DCDC1: variants seen among roughly 807,000 people sequenced by gnomAD.
DCDC1 encodes doublecortin domain containing 1.
Under a neutral mutation model 178.3 loss-of-function variants are expected in DCDC1, and 200 were observed. The observed-to-expected ratio is 1.12, with a 90% CI of 1.00 to 1.26. DCDC1 has a LOEUF of 1.26. DCDC1 is among the 50% of genes most tolerant of loss of function. The probability of loss-of-function intolerance (pLI) is 0.00; values close to 1 mark genes in which losing one functional copy is unlikely to be tolerated. For missense variants in DCDC1, 1,983 were observed against 1,749.2 expected (o/e 1.13, Z -2.38); for synonymous variants, 690 against 604.8 (o/e 1.14, Z -2.07).
In DCDC1 at chr11:30,917,072, C is replaced by T. The variant is rs573867124; in HGVS notation, c.3294-44G>A. 3.3e-6 allele frequency: 5 copies of T among 1,538,020 alleles called. No homozygotes were observed. In the South Asian group the frequency reaches 4.0e-5, roughly 12 times the overall value. ...AAACATAAGTCTAAGAAATCTCATT[C>T]GTGTTCACAGAATTTTTTTCTGAGG... On this transcript the variant is annotated intron_variant, in intron 25 of 38. Coordinates refer to ENST00000684477, the MANE Select transcript of DCDC1 (RefSeq NM_001387274.1).
intron 20 of DCDC1, among the ~76,000 whole-genome samples, chr11:31,030,858 A>C (rs1953577343): frequency 8.9e-6 from 1 of 112,678 alleles, no homozygotes; most frequent in Non-Finnish European, 1.9e-5. Context: ...TTCCCAGGGC[A>C]AGAAAAAAAA....
intron 29 of DCDC1, among the ~76,000 whole-genome samples, chr11:30,907,965 G>A (rs1173283812): frequency 6.6e-6 from 1 of 152,138 alleles, no homozygotes; most frequent in Non-Finnish European, 1.5e-5. Flanking sequence ...GAATTGATGA[G>A]CTAAAGTTCT....
intron 29 of DCDC1, among the ~76,000 whole-genome samples, 199 bp from the exon 30 acceptor site, chr11:30,906,924 C>T (rs573001477): frequency 9.9e-5 from 15 of 151,978 alleles, no homozygotes; most frequent in East Asian, 3.9e-4. Flanking sequence ...AATTCTGTAA[C>T]GACAATTCGA....
chr11:30,999,777 A>C (rs1951470439), intron 20 of DCDC1, among the ~76,000 whole-genome samples: 2 of 152,234 alleles, frequency 1.3e-5, no homozygotes, highest in Admixed American at 6.5e-5. Context: ...TATAAACCTC[A>C]AAATATTTTT....
chr11:31,004,228 G>T (rs981920166), intron 20 of DCDC1, among the ~76,000 whole-genome samples: 3 of 152,080 alleles, frequency 2.0e-5, no homozygotes, highest in African/African-American at 7.2e-5. Flanking sequence ...TTTGCCAAAA[G>T]TATTTTATTG....
At chr11:31,249,553 T>C (rs1366551178) in intron 8 of DCDC1, among the ~76,000 whole-genome samples, 1 of 152,136 alleles carries the variant, frequency 6.6e-6, no homozygotes, top group Non-Finnish European at 1.5e-5. Context: ...TAAGAAACCC[T>C]GGAACCAAGG....
intron 25 of DCDC1, 115 bp downstream of exon 25, chr11:30,920,661 A>T: frequency 8.0e-7 from 1 of 1,256,628 alleles, no homozygotes; most frequent in Non-Finnish European, 1.1e-6. Flanking sequence ...TTCAGCTGCC[A>T]TTAGTTTCAC....
At chr11:31,338,396 G>A (rs1405206682) in intron 1 of DCDC1, among the ~76,000 whole-genome samples, 2 of 152,136 alleles carry the variant, frequency 1.3e-5, no homozygotes, top group African/African-American at 4.8e-5. Context: ...GATCATATTT[G>A]GGGGTTCACA....
rs71060478 is a variant in DCDC1 at position 31,157,372 on chromosome 11, A to AAAAATATATAT, written c.1222-19589_1222-19588insATATATATTTT. Among the ~76,000 whole-genome samples the AAAAATATATAT allele has an allele frequency of 5.2e-5, 5 of 96,868 alleles. No homozygotes were observed. In the East Asian group the frequency reaches 9.9e-4, roughly 19 times the overall value. 63.5% of individuals were successfully genotyped at this position (96,868 alleles called of 152,430 possible). A position where few individuals can be genotyped will look rare whatever the true frequency, so the allele number is the denominator to read the frequency against. On this transcript the variant is annotated intron_variant, in intron 9 of 38. Transcript: ENST00000684477. Reference sequence around the variant, plus strand: ...CCCTTTCTCAAAAAAAAAAAAAAAAAATATATATATATATACATATATATA... The same window carrying AAAAATATATAT: ...CCCTTTCTCAAAAAAAAAAAAAAAAAAAAATATATATATATATATATATATACATATATATA...
At chr11:30,932,228 G>A (rs12292535) in intron 21 of DCDC1, among the ~76,000 whole-genome samples, 2,515 of 151,996 alleles carry the variant, frequency 0.017, 69 homozygotes, top group African/African-American at 0.057. Context: ...AAATAGAACC[G>A]AATGAACTTG....
At chr11:31,206,963 T>C (rs547480824) in intron 9 of DCDC1, among the ~76,000 whole-genome samples, 1 of 152,314 alleles carries the variant, frequency 6.6e-6, no homozygotes, top group African/African-American at 2.4e-5. Flanking sequence ...AACTTTGAAA[T>C]AGAAACAGGG....
chr11:31,361,640 C>A (rs1193721253), intron 1 of DCDC1, among the ~76,000 whole-genome samples: 1 of 152,066 alleles, frequency 6.6e-6, no homozygotes, highest in East Asian at 1.9e-4. Flanking sequence ...ACCACCACAC[C>A]CGGCTAATTT....
chr11:31,195,212 T>G (rs1970556803), intron 9 of DCDC1, among the ~76,000 whole-genome samples: 1 of 151,906 alleles, frequency 6.6e-6, no homozygotes, highest in South Asian at 2.1e-4. Context: ...TAGCGAAGAG[T>G]GGACTTCAGT....
chr11:31,233,273 C>G (rs1487660036), intron 9 of DCDC1, among the ~76,000 whole-genome samples: 1 of 152,156 alleles, frequency 6.6e-6, no homozygotes, highest in Non-Finnish European at 1.5e-5. Context: ...TACATAGAAT[C>G]TGTATCACAT....
At chr11:31,178,631 G>A (rs1401666202) in intron 9 of DCDC1, among the ~76,000 whole-genome samples, 2 of 151,972 alleles carry the variant, frequency 1.3e-5, no homozygotes, top group African/African-American at 4.8e-5. Flanking sequence ...TCTGACAAGG[G>A]GTTAATATCC....
At chr11:31,112,065 A>G (rs1959186440) in intron 11 of DCDC1, among the ~76,000 whole-genome samples, 1 of 152,180 alleles carries the variant, frequency 6.6e-6, no homozygotes, top group Non-Finnish European at 1.5e-5. Context: ...GGGCATAAAA[A>G]AAAGAGATAT....
chr11:30,965,848 G>A (rs1165712350), intron 20 of DCDC1, among the ~76,000 whole-genome samples: 156 of 127,488 alleles, frequency 1.2e-3, no homozygotes, highest in East Asian at 6.6e-3. Flanking sequence ...GAGAATATGC[G>A]GTGTTTGGTT....
At chr11:31,132,690 A>G (rs1171150740) in intron 10 of DCDC1, among the ~76,000 whole-genome samples, 1 of 152,156 alleles carries the variant, frequency 6.6e-6, no homozygotes, top group Non-Finnish European at 1.5e-5. Flanking sequence ...CCCTTTAAAC[A>G]TTATCTGACC....
intron 12 of DCDC1, among the ~76,000 whole-genome samples, chr11:31,108,939 C>T (rs1349125166): frequency 6.6e-6 from 1 of 152,080 alleles, no homozygotes; most frequent in African/African-American, 2.4e-5. Flanking sequence ...GTGATTGAAA[C>T]ACGTGTCCAC....
Sources: gnomAD v4.1 joint callset for allele counts (sites outside exome capture counted in the v4.1 genomes callset) on GRCh38, gnomAD v4.1.1 for gene constraint, MANE v1.5 for transcripts, NCBI Gene and HGNC (gene_info 2026-07-23, HGNC 2026-07-21) for gene names.